Variants in GNA13 observed in about 807,000 individuals in gnomAD.
The protein encoded by GNA13 is G protein subunit alpha 13.
Under a neutral mutation model 33.5 loss-of-function variants are expected in GNA13, and 4 were observed. The observed-to-expected ratio is 0.12, with a 90% CI of 0.06 to 0.27. The LOEUF is 0.27. Ranked by LOEUF, GNA13 falls within the 10% of genes least tolerant of loss-of-function variation. The pLI is 1.00. For synonymous variants in GNA13, 176 were observed against 183.8 expected (o/e 0.96, Z 0.34); for missense variants, 319 against 487.2 (o/e 0.65, Z 3.25).
rs536592923 is a variant in GNA13 at position 65,045,298 on chromosome 17, T to C, written c.510+8204A>G. ...ACTTTGGGAGGCTAAGACATGCAGA[T>C]TACCTGAGGTCAGGAGTTCGAGACC... is the stretch of plus-strand genomic sequence containing the variant. On this transcript the variant is annotated intron_variant, in intron 2 of 3. Coordinates refer to ENST00000439174, the MANE Select transcript of GNA13 (RefSeq NM_006572.6). Among the ~76,000 whole-genome samples the C allele has an allele frequency of 3.7e-4, 57 of 152,082 alleles. 1 individual carries two copies. Among genetic ancestry groups the C allele is most frequent in the African/African-American group, 1.3e-3 (55 of 41,508 alleles).
chr17:65,038,850 T>TTA, intron 2 of GNA13, among the ~76,000 whole-genome samples: 1 of 152,224 alleles, frequency 6.6e-6, no homozygotes, highest in Non-Finnish European at 1.5e-5. Flanking sequence ...AAAGCTTATT[T>TTA]TATAATAAAG....
At position 65,019,881 on chromosome 17, in the gene GNA13, C is replaced by T. The variant is rs79853327; in HGVS notation, c.511-1578G>A. Among the ~76,000 whole-genome samples, 206 of 152,336 alleles carry T rather than the reference C, an allele frequency of 1.4e-3. 4 individuals are homozygous for T. The East Asian group carries it at 0.037, about 27-fold the overall frequency. On this transcript the variant is annotated intron_variant, in intron 2 of 3. Coordinates refer to ENST00000439174, the MANE Select transcript of GNA13 (RefSeq NM_006572.6). ...ATGCCTGAAGGGAGAGATACCCTAT[C>T]TTCCATGAGTGATTATTACGCATTG...
Position 65,056,312 on chromosome 17 carries a change from T to C in GNA13, c.282A>G (p.Lys94=), listed in dbSNP as rs1598505812. ...FRPTIYSNVI[K]GMRVLVDARE... is the part of the protein sequence containing the mutation. Reference sequence around the variant, plus strand: ...CGGCCCCCATTCCCGGCCCGGCACCTTTGATCACGTTGCTGTAGATGGTGG... The same window carrying C: ...CGGCCCCCATTCCCGGCCCGGCACCCTTGATCACGTTGCTGTAGATGGTGG... The change falls in exon 1 of 4, where the codon AAA becomes AAG. Residue 94 remains lysine (K), a splice_region_variant and synonymous_variant. Transcript: ENST00000439174. The C allele has an allele frequency of 3.0e-6, 4 of 1,333,588 alleles. No homozygotes were observed. Among genetic ancestry groups the C allele is most frequent in the Admixed American group, 2.0e-5 (1 of 49,532 alleles). The allele number at this position is 1,333,588 out of a possible 1,614,324, so 82.6% of individuals were successfully genotyped here. A position where few individuals can be genotyped will look rare whatever the true frequency, so the allele number is the denominator to read the frequency against.
Position 65,013,841 on chromosome 17 carries a change from T to A in GNA13, c.*416A>T, listed in dbSNP as rs543412009. ...AGGCAACAAGTGTCACTGCTATATG[T>A]AAGGCGGACAGAAGATATCTTGTTT... On this transcript the variant is annotated 3_prime_UTR_variant, in exon 4 of 4. Coordinates refer to ENST00000439174, the MANE Select transcript of GNA13 (RefSeq NM_006572.6). 1 of 231,348 alleles carries A rather than the reference T, an allele frequency of 4.3e-6. No individual in the cohort carries two copies. The highest frequency in any genetic ancestry group is 2.2e-5 in the African/African-American group (1 of 44,940). 14.3% of individuals were successfully genotyped at this position (231,348 alleles called of 1,614,324 possible).
chr17:65,018,126 A>AGAGAGAGAGAGAG, intron 3 of GNA13, 127 bp downstream of exon 3: 1 of 225,042 alleles, frequency 4.4e-6, no homozygotes, highest in South Asian at 6.1e-5. Flanking sequence ...AAAAAAAAAA[A>AGAGAGAGAGAGAG]AAAAAAAAAA....
chr17:65,042,527 A>T (rs1371967070), intron 2 of GNA13, among the ~76,000 whole-genome samples: 2 of 152,090 alleles, frequency 1.3e-5, no homozygotes, highest in East Asian at 3.9e-4. Context: ...AATTGAGGTC[A>T]GAAGTTTCAG....
chr17:65,038,553 G>C (rs1907344177), intron 2 of GNA13, among the ~76,000 whole-genome samples: 1 of 152,126 alleles, frequency 6.6e-6, no homozygotes, highest in Non-Finnish European at 1.5e-5. Context: ...TGGGACCACA[G>C]GCATACACCA....
At chr17:65,048,003 AAAAAG>A (rs1325491469) in intron 2 of GNA13, among the ~76,000 whole-genome samples, 2 of 152,212 alleles carry the variant, frequency 1.3e-5, no homozygotes, top group African/African-American at 4.8e-5. Context: ...CCTCAAGCAC[AAAAAG>A]AAAAGAATTA....
chr17:65,039,491 G>A (rs1325480722), intron 2 of GNA13, among the ~76,000 whole-genome samples: 3 of 152,164 alleles, frequency 2.0e-5, no homozygotes. Context: ...TTCCACCTCA[G>A]TTCTCCCTCA....
Position 65,014,170 on chromosome 17 carries a change from T to G in GNA13, c.*87A>C. 1 of 735,174 alleles carries G rather than the reference T, an allele frequency of 1.4e-6. No homozygotes were observed. The highest frequency in any genetic ancestry group is 1.9e-5 in the South Asian group (1 of 53,748). The allele number at this position is 735,174 out of a possible 1,614,324, so 45.5% of individuals were successfully genotyped here. ...CGTAGAATTAAGATTGTTCTAATTCTGGTTGTAAACTGCTATTTTAAAAAA... is the reference window on the plus strand; with the variant it reads ...CGTAGAATTAAGATTGTTCTAATTCGGGTTGTAAACTGCTATTTTAAAAAA... On this transcript the variant is annotated 3_prime_UTR_variant, in exon 4 of 4. Coordinates refer to ENST00000439174, the MANE Select transcript of GNA13 (RefSeq NM_006572.6). This position sits in a 1 kb window ranked among gnomAD's most constrained non-coding sequence, Gnocchi z 5.3.
chr17:65,021,803 A>C (rs528225337), intron 2 of GNA13, among the ~76,000 whole-genome samples: 1 of 152,350 alleles, frequency 6.6e-6, no homozygotes, highest in East Asian at 1.9e-4. Context: ...AATATAACAT[A>C]AGGTTTATAG....
intron 2 of GNA13, among the ~76,000 whole-genome samples, chr17:65,051,345 G>A (rs1045695896): frequency 1.2e-4 from 18 of 152,248 alleles, no homozygotes; most frequent in Admixed American, 2.0e-4. Context: ...GCCAGGCACA[G>A]TGGCTCATGC....
At chr17:65,036,649 T>G (rs1907261707) in intron 2 of GNA13, among the ~76,000 whole-genome samples, 1 of 152,186 alleles carries the variant, frequency 6.6e-6, no homozygotes, top group African/African-American at 2.4e-5. Context: ...GAGGTTGGAG[T>G]GAGCCTACAT....
At position 65,010,179 on chromosome 17, in the gene GNA13, T is replaced by C. The variant is rs530397867; in HGVS notation, c.*4078A>G. 6.6e-6 allele frequency among the ~76,000 whole-genome samples: 1 copy of C among 152,320 alleles called. No individual in the cohort carries two copies. The highest frequency in any genetic ancestry group is 1.5e-5 in the Non-Finnish European group (1 of 68,036). The stretch of plus-strand genomic sequence containing the variant: ...GAGTGAACATAACTTAAATGCTAAC[T>C]ACACGTTCAAGTACAGACATAAGAA... On this transcript the variant is annotated 3_prime_UTR_variant, in exon 4 of 4. Transcript: ENST00000439174.
chr17:65,029,079 CT>C lies in GNA13; in HGVS notation c.511-10777del, dbSNP rs1283770513. On this transcript the variant is annotated intron_variant, in intron 2 of 3. Coordinates refer to ENST00000439174, the MANE Select transcript of GNA13 (RefSeq NM_006572.6). ...GGTGAACACTGAAGGATCAAGGATA[CT>C]GTTCAGTTGTGCTGCTGAGTCAAAA... 2.0e-5 allele frequency among the ~76,000 whole-genome samples: 3 copies of C among 152,202 alleles called. No homozygotes were observed. The East Asian group carries it at 5.8e-4, about 29-fold the overall frequency.
chr17:65,015,616 T>G (rs145353467), intron 3 of GNA13, among the ~76,000 whole-genome samples: 88 of 133,182 alleles, frequency 6.6e-4, no homozygotes, highest in African/African-American at 2.4e-3. Context: ...TGAGCTGAGA[T>G]CATGCCACTG....
intron 2 of GNA13, among the ~76,000 whole-genome samples, chr17:65,052,540 T>C (rs964642089): frequency 2.6e-5 from 4 of 152,334 alleles, no homozygotes; most frequent in South Asian, 2.1e-4. Context: ...TTGCACACAG[T>C]CTAGATTTCT....
At position 65,020,712 on chromosome 17, in the gene GNA13, G is replaced by A. The variant is rs921579335; in HGVS notation, c.511-2409C>T. ...GTTGCCCAGGCTGGGGTGCAATGGC[G>A]CGATCTTGGCTCAATACAACCTCCA... is the stretch of plus-strand genomic sequence containing the variant. On this transcript the variant is annotated intron_variant, in intron 2 of 3. Transcript: ENST00000439174. 4.9e-4 allele frequency among the ~76,000 whole-genome samples: 74 copies of A among 151,078 alleles called. 3 individuals are homozygous for A. The highest frequency in any genetic ancestry group is 1.9e-4 in the East Asian group (1 of 5,170).
chr17:65,054,943 G>A (rs186336749), intron 1 of GNA13, among the ~76,000 whole-genome samples: 1 of 151,894 alleles, frequency 6.6e-6, no homozygotes, highest in East Asian at 1.9e-4. Flanking sequence ...AACTGCAGAG[G>A]TACTAGGGCT....
Sources: gnomAD v4.1 joint callset for allele counts (sites outside exome capture counted in the v4.1 genomes callset) on GRCh38, gnomAD v4.1.1 for gene constraint, Gnocchi (gnomAD v3.1) non-coding constraint, MANE v1.5 for transcripts, NCBI Gene and HGNC (gene_info 2026-07-23, HGNC 2026-07-21) for gene names.